Variants in HKDC1 observed in about 807,000 individuals in gnomAD.
HKDC1 encodes the protein hexokinase HKDC1.
HKDC1 carries 66 observed loss-of-function variants against 96.6 expected under a neutral mutation model. The ratio of observed to expected loss-of-function variants is 0.68; its 90% confidence interval spans 0.56 to 0.84. HKDC1 has a LOEUF of 0.84. Among genes scored for constraint, HKDC1 ranks in the 40% least tolerant of loss-of-function variants. The pLI is 0.00. For synonymous variants in HKDC1, 466 were observed against 473.1 expected (o/e 0.98, Z 0.20); for missense variants, 1,211 against 1,208.1 (o/e 1.00, Z -0.04).
chr10:69,266,739 G>C lies in HKDC1; in HGVS notation c.2736G>C (p.Gln912His), dbSNP rs1033914918. The C allele has an allele frequency of 1.2e-6, 2 of 1,612,686 alleles. No individual in the cohort carries two copies. Among genetic ancestry groups the C allele is most frequent in the East Asian group, 4.5e-5 (2 of 44,836 alleles). The change falls in exon 18 of 18, where the codon CAG becomes CAC. Residue 912 changes from glutamine to histidine, a missense_variant. Transcript: ENST00000354624. The part of the protein sequence containing the change: ...LITAVAKRLQ[Q>H]AQKEN ...CTGCTGTGGCCAAGAGGTTACAGCA[G>C]GCACAGAAGGAGAACTAGGAACCCC... is the stretch of plus-strand genomic sequence containing the variant.
rs532779331 is a variant in HKDC1 at position 69,242,892 on chromosome 10, A to G, written c.692-290A>G. ...AGATTATCTTCATTTGTCCTCTTGT[A>G]AGAGCGCTTCGTCAGCTTTCATCCA... On this transcript the variant is annotated intron_variant, in intron 6 of 17. Coordinates refer to ENST00000354624, the MANE Select transcript of HKDC1 (RefSeq NM_025130.4). Among the ~76,000 whole-genome samples, 13 of 152,362 alleles carry G rather than the reference A, an allele frequency of 8.5e-5. No individual in the cohort carries two copies. In the South Asian group the frequency reaches 2.7e-3, roughly 32 times the overall value.
At position 69,265,575 on chromosome 10, in the gene HKDC1, T is replaced by C. The variant is rs1317311180; in HGVS notation, c.2373-10T>C. On this transcript the variant is annotated splice_polypyrimidine_tract_variant and intron_variant, in intron 16 of 17. Transcript: ENST00000354624. The stretch of plus-strand genomic sequence containing the variant: ...AAGCAGGTCCTGACTCCCTGCTCTA[T>C]TGCCTGCAGCGATCGGCTGGCCCTT... The C allele has an allele frequency of 6.2e-7, 1 of 1,613,078 alleles. No homozygotes were observed. Among genetic ancestry groups the C allele is most frequent in the Non-Finnish European group, 8.5e-7 (1 of 1,179,524 alleles).
intron 5 of HKDC1, among the ~76,000 whole-genome samples, chr10:69,239,768 T>TC (rs1843426549): frequency 6.8e-6 from 1 of 146,456 alleles, no homozygotes; most frequent in Non-Finnish European, 1.5e-5. Context: ...TCATTTTACT[T>TC]TTTTTTTTTT....
At chr10:69,242,429 GAAAAAAAAAA>G (rs5785904) in intron 6 of HKDC1, among the ~76,000 whole-genome samples, 3 of 115,360 alleles carry the variant, frequency 2.6e-5, no homozygotes, top group Admixed American at 1.0e-4. Context: ...AGATACTGAA[GAAAAAAAAAA>G]AAAAAAAAAA....
intron 16 of HKDC1, 176 bp from the exon 17 acceptor site, chr10:69,265,409 G>T: frequency 1.6e-6 from 1 of 626,894 alleles, no homozygotes; most frequent in South Asian, 1.9e-5. Context: ...TTCCAGGGGT[G>T]GTGGACCTTC....
Position 69,232,859 on chromosome 10 carries a change from G to A in HKDC1, c.322G>A (p.Glu108Lys). The change falls in exon 3 of 18, where the codon GAG (glutamate) becomes AAG (lysine). Residue 108 changes from glutamate to lysine, a missense_variant. Glu to Lys is a moderately conservative substitution (Grantham distance 56). Transcript: ENST00000354624. Reference protein sequence around the residue: ...AEEGKRHVQMESQFYPTPNEI... With the variant: ...AEEGKRHVQMKSQFYPTPNEI... ...AGAGGGGAAGCGACACGTGCAGATG[G>A]AGAGTCAGTTCTACCCAACGCCCAA... 1 of 1,614,104 alleles carries A rather than the reference G, an allele frequency of 6.2e-7. No individual in the cohort carries two copies.
intron 1 of HKDC1, among the ~76,000 whole-genome samples, chr10:69,224,352 C>T (rs770745181): frequency 4.8e-4 from 73 of 152,210 alleles, no homozygotes; most frequent in Non-Finnish European, 8.1e-4. Context: ...GGCGCGATCT[C>T]GGCTCACTGC....
chr10:69,247,235 T>G (rs1236185100), intron 8 of HKDC1, 125 bp from the exon 9 acceptor site: 3 of 653,774 alleles, frequency 4.6e-6, no homozygotes, highest in African/African-American at 1.8e-5. Context: ...TATTGTTATT[T>G]TTATTCTATA....
intron 1 of HKDC1, 62 bp from the exon 2 acceptor site, chr10:69,227,145 C>T: frequency 6.3e-7 from 1 of 1,578,984 alleles, no homozygotes; most frequent in East Asian, 2.2e-5. Flanking sequence ...TCGGGGGTTA[C>T]AGCCTCGACT....
rs1843590711 is a variant in HKDC1 at position 69,248,934 on chromosome 10, A to G, written c.1570+206A>G. On this transcript the variant is annotated intron_variant, in intron 10 of 17. Transcript: ENST00000354624. ...CAGTAAAAACAAAACAAATAAACAA[A>G]CAAAAACACAAAAAGCCTACATTAG... is the stretch of plus-strand genomic sequence containing the variant. The G allele has an allele frequency of 1.1e-5, 6 of 560,050 alleles. No individual in the cohort carries two copies. The Admixed American group carries it at 2.1e-4, about 19-fold the overall frequency. 34.7% of individuals were successfully genotyped at this position (560,050 alleles called of 1,614,324 possible).
intron 16 of HKDC1, among the ~76,000 whole-genome samples, chr10:69,263,201 C>T (rs763919798): frequency 1.3e-5 from 2 of 152,102 alleles, no homozygotes; most frequent in African/African-American, 4.8e-5. Context: ...CACTGCTCCT[C>T]TCCCCTGCTC....
At chr10:69,234,519 C>T (rs530052887) in intron 4 of HKDC1, among the ~76,000 whole-genome samples, 1 of 152,256 alleles carries the variant, frequency 6.6e-6, no homozygotes, top group Non-Finnish European at 1.5e-5. Context: ...CCTCCCAAAG[C>T]GTTGGGATTA....
In HKDC1 at chr10:69,220,381, G is replaced by A. The variant is rs935787389; in HGVS notation, c.-55G>A. ...CGTGCAACACTCCAGAGTCGTAGGAGTGAACACTGCACAGGAATCTCTGCC... is the reference window on the plus strand; with the variant it reads ...CGTGCAACACTCCAGAGTCGTAGGAATGAACACTGCACAGGAATCTCTGCC... On this transcript the variant is annotated 5_prime_UTR_variant, in exon 1 of 18. It adds an upstream start codon to the 5' untranslated region. Transcript: ENST00000354624. The A allele has an allele frequency of 1.4e-6, 2 of 1,420,726 alleles. No individual in the cohort carries two copies. Among genetic ancestry groups the A allele is most frequent in the South Asian group, 1.3e-5 (1 of 75,474 alleles). The allele number at this position is 1,420,726 out of a possible 1,614,324, so 88.0% of individuals were successfully genotyped here. A position where few individuals can be genotyped will look rare whatever the true frequency, so the allele number is the denominator to read the frequency against.
At chr10:69,248,299 A>G (rs1429135602) in intron 9 of HKDC1, 125 bp from the exon 10 acceptor site, 6 of 954,202 alleles carry the variant, frequency 6.3e-6, no homozygotes, top group Admixed American at 2.6e-5. Context: ...CCCTACCATC[A>G]GCAAATAAAG....
chr10:69,247,696 ACCCCTC>A, intron 9 of HKDC1, 103 bp downstream of exon 9: 7 of 832,698 alleles, frequency 8.4e-6, no homozygotes, highest in Non-Finnish European at 1.3e-5. Flanking sequence ...GGAACCAACA[ACCCCTC>A]TTGTTGGTTC....
chr10:69,258,694 ATTC>A, intron 14 of HKDC1, 79 bp from the exon 15 acceptor site: 1 of 1,406,618 alleles, frequency 7.1e-7, no homozygotes, highest in Non-Finnish European at 1.0e-6. Flanking sequence ...CCAAGCTTAA[ATTC>A]TTATTTGCTG....
rs139901086 is a variant in HKDC1 at position 69,227,267 on chromosome 10, C to T, written c.124C>T (p.Arg42Trp). 29 of 1,613,994 alleles carry T rather than the reference C, an allele frequency of 1.8e-5. No individual in the cohort carries two copies. Among genetic ancestry groups the T allele is most frequent in the African/African-American group, 6.7e-5 (5 of 74,872 alleles). ...TGACACCCTTTTGGACATCATGAGGCGGTTCCGGGCTGAGATGGAGAAGGG... is the reference window on the plus strand; with the variant it reads ...TGACACCCTTTTGGACATCATGAGGTGGTTCCGGGCTGAGATGGAGAAGGG... ...SDDTLLDIMRRFRAEMEKGLA... is the reference protein window; with the variant it reads ...SDDTLLDIMRWFRAEMEKGLA... The change falls in exon 2 of 18, where the codon CGG (arginine) becomes TGG (tryptophan). Residue 42 changes from arginine to tryptophan, a missense_variant. Arg to Trp is a moderately radical substitution (Grantham distance 101). Coordinates refer to ENST00000354624, the MANE Select transcript of HKDC1 (RefSeq NM_025130.4).
At chr10:69,225,089 T>C (rs75405157) in intron 1 of HKDC1, among the ~76,000 whole-genome samples, 10,045 of 152,264 alleles carry the variant, frequency 0.066, 1,147 homozygotes, top group African/African-American at 0.23. Flanking sequence ...CCTCAACTTA[T>C]TGAAAGAGCA....
chr10:69,263,391 G>A (rs906972243), intron 16 of HKDC1, among the ~76,000 whole-genome samples: 7 of 151,974 alleles, frequency 4.6e-5, no homozygotes, highest in South Asian at 2.1e-4. Flanking sequence ...GAGCCACCGC[G>A]CCTGGCCAGG....
Sources: gnomAD v4.1 joint callset for allele counts (sites outside exome capture counted in the v4.1 genomes callset) on GRCh38, gnomAD v4.1.1 for gene constraint, MANE v1.5 for transcripts, NCBI Gene and HGNC (gene_info 2026-07-23, HGNC 2026-07-21) for gene names.